UBE2F: variants seen among roughly 807,000 people sequenced by gnomAD.
UBE2F encodes ubiquitin conjugating enzyme E2 F (putative).
Under a neutral mutation model 29.6 loss-of-function variants are expected in UBE2F, and 5 were observed. The ratio of observed to expected loss-of-function variants is 0.17; its 90% confidence interval spans 0.09 to 0.36. UBE2F has a LOEUF of 0.36. UBE2F is among the 10% of genes least tolerant of loss of function. The probability of loss-of-function intolerance (pLI) is 1.00; values close to 1 mark genes in which losing one functional copy is unlikely to be tolerated. For missense variants in UBE2F, 141 were observed against 228.5 expected (o/e 0.62, Z 2.47); for synonymous variants, 66 against 81.8 (o/e 0.81, Z 1.04).
chr2:238,024,330 TGTTTG>T (rs945456781), intron 5 of UBE2F, among the ~76,000 whole-genome samples: 1 of 152,228 alleles, frequency 6.6e-6, no homozygotes, highest in Non-Finnish European at 1.5e-5. Flanking sequence ...CAGAGAAATC[TGTTTG>T]GTTTGGTTTG....
intron 5 of UBE2F, among the ~76,000 whole-genome samples, chr2:238,019,639 G>C (rs1482190566): frequency 7.1e-6 from 1 of 140,842 alleles, no homozygotes; most frequent in Non-Finnish European, 1.5e-5. Context: ...GTGCTGGGGA[G>C]CCACTGTGCT....
intron 3 of UBE2F, chr2:237,990,547 C>A: frequency 3.9e-6 from 1 of 258,856 alleles, no homozygotes; most frequent in Non-Finnish European, 7.7e-6. Flanking sequence ...AGACCTCAGA[C>A]CTCAGGTGCA....
rs550434287 is a variant in UBE2F, at chr2:237,967,316, GGGGCCGC to G, written c.-17+200_-17+206del. On this transcript the variant is annotated intron_variant, in intron 1 of 9. Transcript: ENST00000272930. This position sits in a 1 kb window ranked among gnomAD's most constrained non-coding sequence, Gnocchi z 6.3. ...CGAGGCCGAGCGGCGTGAATGGGAAGGGGCCGCGGGCCGCGGGCCGCGAGCCGGGGGT... is the reference window on the plus strand; with the variant it reads ...CGAGGCCGAGCGGCGTGAATGGGAAGGGGCCGCGGGCCGCGAGCCGGGGGT... 5.7e-4 allele frequency among the ~76,000 whole-genome samples: 83 copies of G among 145,644 alleles called. No individual in the cohort carries two copies. Among genetic ancestry groups the G allele is most frequent in the African/African-American group, 1.6e-3 (64 of 40,878 alleles).
chr2:238,009,592 G>A (rs1383730576), intron 4 of UBE2F, among the ~76,000 whole-genome samples: 3 of 152,152 alleles, frequency 2.0e-5, no homozygotes, highest in African/African-American at 7.2e-5. Flanking sequence ...TTATGTTCAT[G>A]TTTTCCTCTA....
At position 238,039,469 on chromosome 2, in the gene UBE2F, G is replaced by A. The variant is rs1022024553; in HGVS notation, c.508-1819G>A. On this transcript the variant is annotated intron_variant, in intron 9 of 9. Transcript: ENST00000272930. ...GAATGGAATAGTAGGAGCCAGGCACGCTTCCATGCACTTGACACAGAGTGC... is the reference window on the plus strand; with the variant it reads ...GAATGGAATAGTAGGAGCCAGGCACACTTCCATGCACTTGACACAGAGTGC... Among the ~76,000 whole-genome samples the A allele has an allele frequency of 5.9e-5, 9 of 152,208 alleles. No homozygotes were observed. In the South Asian group the frequency reaches 1.4e-3, roughly 25 times the overall value.
At chr2:237,988,082 C>T in intron 3 of UBE2F, 90 bp downstream of exon 3, 1 of 726,206 alleles carries the variant, frequency 1.4e-6, no homozygotes, top group Non-Finnish European at 2.2e-6. Flanking sequence ...TAGTAAAAAG[C>T]CTATTTTTCA....
chr2:238,037,498 C>T (rs1046132578), intron 9 of UBE2F, among the ~76,000 whole-genome samples: 7 of 152,270 alleles, frequency 4.6e-5, no homozygotes, highest in Non-Finnish European at 8.8e-5. Flanking sequence ...CAGCTTAGGC[C>T]AGGGGCTCTG....
intron 5 of UBE2F, among the ~76,000 whole-genome samples, chr2:238,017,901 C>G (rs934626851): frequency 6.6e-6 from 1 of 152,194 alleles, no homozygotes; most frequent in African/African-American, 2.4e-5. Context: ...ACCCCAGCCA[C>G]TGGGCTCCGT....
At chr2:238,041,213 T>A in intron 9 of UBE2F, 75 bp from the exon 10 acceptor site, 1 of 1,432,216 alleles carries the variant, frequency 7.0e-7, no homozygotes, top group Middle Eastern at 1.7e-4. Flanking sequence ...ATCTGACTTG[T>A]CCCTGAAGCG....
At chr2:238,002,675 G>T (rs949194489) in intron 4 of UBE2F, among the ~76,000 whole-genome samples, 2 of 152,106 alleles carry the variant, frequency 1.3e-5, no homozygotes, top group African/African-American at 4.8e-5. Flanking sequence ...GCAGTGGCGC[G>T]ATCTTGACTC....
At chr2:237,984,932 A>G (rs556953081) in intron 2 of UBE2F, among the ~76,000 whole-genome samples, 8 of 149,930 alleles carry the variant, frequency 5.3e-5, no homozygotes, top group Non-Finnish European at 1.2e-4. Context: ...GGCATGCACC[A>G]CCACGCCTGA....
chr2:238,042,046 T>C lies in UBE2F; in HGVS notation c.*708T>C, dbSNP rs1239943204. 1.3e-5 allele frequency: 2 copies of C among 152,646 alleles called. No homozygotes were observed. Among genetic ancestry groups the C allele is most frequent in the Non-Finnish European group, 1.5e-5 (1 of 68,050 alleles). 9.5% of individuals were successfully genotyped at this position (152,646 alleles called of 1,614,324 possible). The stretch of plus-strand genomic sequence containing the variant: ...ATTGAAGAGAAATACAAAGAAAATA[T>C]GAAAGGCACATTATTCATTTTGTCC... On this transcript the variant is annotated 3_prime_UTR_variant, in exon 10 of 10. Coordinates refer to ENST00000272930, the MANE Select transcript of UBE2F (RefSeq NM_080678.3).
chr2:237,978,847 C>G (rs1012547949), intron 2 of UBE2F, among the ~76,000 whole-genome samples: 12 of 152,212 alleles, frequency 7.9e-5, no homozygotes, highest in Non-Finnish European at 1.5e-4. Flanking sequence ...CTGTGAACCT[C>G]TGTGTGACTG....
At chr2:238,038,288 G>T (rs1266772870) in intron 9 of UBE2F, among the ~76,000 whole-genome samples, 1 of 152,238 alleles carries the variant, frequency 6.6e-6, no homozygotes. Flanking sequence ...AGCAGCAGGG[G>T]TCCTCAAGAG....
intron 8 of UBE2F, 112 bp from the exon 9 acceptor site, chr2:238,035,766 G>A: frequency 2.6e-6 from 2 of 775,476 alleles, no homozygotes; most frequent in East Asian, 5.5e-5. Flanking sequence ...CAGCTCTCCA[G>A]TTTGGTCTGC....
At chr2:238,001,415 G>A (rs1292477725) in intron 4 of UBE2F, among the ~76,000 whole-genome samples, 1 of 151,910 alleles carries the variant, frequency 6.6e-6, no homozygotes, top group Non-Finnish European at 1.5e-5. Flanking sequence ...TTTTTTAAAG[G>A]GTTTTTATTG....
At chr2:237,991,989 C>G (rs917231525) in intron 3 of UBE2F, among the ~76,000 whole-genome samples, 1 of 152,080 alleles carries the variant, frequency 6.6e-6, no homozygotes, top group Non-Finnish European at 1.5e-5. Flanking sequence ...CTCAGCCTCC[C>G]CCTCAGCTGG....
intron 5 of UBE2F, among the ~76,000 whole-genome samples, chr2:238,022,053 G>A (rs74917072): frequency 3.9e-5 from 6 of 152,090 alleles, no homozygotes; most frequent in Non-Finnish European, 7.3e-5. Context: ...TGAAAATTCC[G>A]TTTCCCTAAG....
rs775659812 is a variant in UBE2F at position 237,973,190 on chromosome 2, G to A, written c.83G>A (p.Arg28Gln). 9.9e-6 allele frequency: 16 copies of A among 1,613,872 alleles called. No homozygotes were observed. The highest frequency in any genetic ancestry group is 2.2e-5 in the East Asian group (1 of 44,884). The change falls in exon 2 of 10, where the codon CGG becomes CAG. Residue 28 changes from arginine (R) to glutamine (Q), a missense_variant. By Grantham distance (43) the Arg-to-Gln change is conservative (BLOSUM62 1). Coordinates refer to ENST00000272930, the MANE Select transcript of UBE2F (RefSeq NM_080678.3). The stretch of plus-strand genomic sequence containing the variant: ...GCAGCCACAGCGTCCGACTCGACTC[G>A]GAGGGTTTCTGTGAGAGACAAATTG... Reference protein sequence around the residue: ...RTAATASDSTRRVSVRDKLLV... With the variant: ...RTAATASDSTQRVSVRDKLLV...
Sources: allele counts gnomAD v4.1 joint callset (sites outside exome capture counted in the v4.1 genomes callset), GRCh38; gene constraint gnomAD v4.1.1; non-coding constraint Gnocchi (gnomAD v3.1); transcripts MANE v1.5; gene names NCBI Gene and HGNC (gene_info 2026-07-23, HGNC 2026-07-21).